The following FAM81B variants were observed in gnomAD, a reference collection of about 807,000 sequenced individuals.
FAM81B encodes family with sequence similarity 81 member B, also known as protein FAM81B.
FAM81B carries 60 observed loss-of-function variants against 58.7 expected under a neutral mutation model. That is an observed-to-expected ratio of 1.02 (90% confidence interval 0.83 to 1.27). The LOEUF is 1.27. Ranked by LOEUF, FAM81B falls within the 50% of genes most tolerant of loss-of-function variation. FAM81B has a pLI of 0.00. For synonymous variants in FAM81B, 189 were observed against 179.6 expected (o/e 1.05, Z -0.42); for missense variants, 491 against 522.0 (o/e 0.94, Z 0.58).
At chr5:95,402,838 G>T (rs1036994891) in intron 3 of FAM81B, among the ~76,000 whole-genome samples, 1 of 152,204 alleles carries the variant, frequency 6.6e-6, no homozygotes, top group African/African-American at 2.4e-5. Flanking sequence ...TCTACTGCAT[G>T]CATCTCACTT....
At chr5:95,396,349 A>G (rs1320191999) in intron 3 of FAM81B, among the ~76,000 whole-genome samples, 174 bp downstream of exon 3, 1 of 152,252 alleles carries the variant, frequency 6.6e-6, no homozygotes, top group South Asian at 2.1e-4. Context: ...CAGAAAGACA[A>G]ACCTGATCCT....
At chr5:95,446,812 C>CTTT in intron 8 of FAM81B, 115 bp downstream of exon 8, 25 of 1,114,992 alleles carry the variant, frequency 2.2e-5, no homozygotes, top group Middle Eastern at 2.3e-4. Flanking sequence ...GCTTCAGTAA[C>CTTT]TTTTTTTTTT....
At chr5:95,448,538 C>G (rs1257687507) in intron 9 of FAM81B, 74 bp downstream of exon 9, 1 of 1,384,958 alleles carries the variant, frequency 7.2e-7, no homozygotes, top group Non-Finnish European at 9.8e-7. Context: ...CCACTTTGAG[C>G]TAATGGCCAG....
At chr5:95,436,059 T>C (rs577301682) in intron 6 of FAM81B, among the ~76,000 whole-genome samples, 7 of 152,322 alleles carry the variant, frequency 4.6e-5, no homozygotes, top group African/African-American at 1.7e-4. Flanking sequence ...CCAAAGCCAA[T>C]CATGTAGTTT....
intron 3 of FAM81B, among the ~76,000 whole-genome samples, chr5:95,398,447 T>TA (rs4034976): frequency 0.33 from 49,130 of 147,330 alleles, 8,259 homozygotes; most frequent in Middle Eastern, 0.4. Context: ...AATAAATAAA[T>TA]AAATAAAAAA....
chr5:95,435,658 A>T (rs1745070573), intron 6 of FAM81B, among the ~76,000 whole-genome samples: 1 of 152,148 alleles, frequency 6.6e-6, no homozygotes, highest in Non-Finnish European at 1.5e-5. Context: ...CAATATATAA[A>T]TATTCACAGC....
intron 5 of FAM81B, among the ~76,000 whole-genome samples, chr5:95,426,965 C>T (rs540144597): frequency 4.6e-5 from 7 of 152,186 alleles, no homozygotes; most frequent in South Asian, 4.1e-4. Context: ...AGGAGAATGG[C>T]GTGAACCTGG....
intron 3 of FAM81B, among the ~76,000 whole-genome samples, chr5:95,405,258 A>G (rs932534093): frequency 2.6e-5 from 4 of 152,188 alleles, no homozygotes; most frequent in African/African-American, 9.7e-5. Context: ...TGTGGGAGCT[A>G]ATGTTAACAT....
At position 95,450,151 on chromosome 5, in the gene FAM81B, T is replaced by A; in HGVS notation, c.1228T>A (p.Phe410Ile). ...ETMQNEYQSG[F>I]KSIHDSLSSL... is the part of the protein sequence containing the mutation. ...CCTATTCTTTTACCCTCTTACAGGA[T>A]TTAAATCAATTCATGACTCTCTCAG... The change falls in exon 10 of 10, where the codon TTT (phenylalanine) becomes ATT (isoleucine). Residue 410 changes from phenylalanine to isoleucine, a missense_variant and splice_region_variant. Physicochemically the swap from Phe to Ile is conservative, Grantham distance 21. Coordinates refer to ENST00000283357, the MANE Select transcript of FAM81B (RefSeq NM_152548.3). 6.2e-7 allele frequency: 1 copy of A among 1,608,984 alleles called. No individual in the cohort carries two copies.
intron 9 of FAM81B, 83 bp downstream of exon 9, chr5:95,448,547 A>G: frequency 7.6e-7 from 1 of 1,310,588 alleles, no homozygotes; most frequent in Non-Finnish European, 1.0e-6. Context: ...GCTAATGGCC[A>G]GGGATCAATC....
At chr5:95,433,196 G>C (rs1744966573) in intron 6 of FAM81B, among the ~76,000 whole-genome samples, 1 of 152,118 alleles carries the variant, frequency 6.6e-6, no homozygotes, top group South Asian at 2.1e-4. Flanking sequence ...TTTAAAGAAA[G>C]AGGTTTAATG....
At chr5:95,421,043 T>C (rs1402738288) in intron 5 of FAM81B, among the ~76,000 whole-genome samples, 1 of 152,216 alleles carries the variant, frequency 6.6e-6, no homozygotes, top group Admixed American at 6.5e-5. Flanking sequence ...AGATAATTAC[T>C]ACCTAAGAAT....
At chr5:95,394,608 T>G (rs953166590) in intron 2 of FAM81B, among the ~76,000 whole-genome samples, 7 of 152,080 alleles carry the variant, frequency 4.6e-5, no homozygotes, top group African/African-American at 1.7e-4. Context: ...GCCACCTGAG[T>G]GCCCAGTGAA....
chr5:95,427,839 C>A (rs1243823086), intron 5 of FAM81B, among the ~76,000 whole-genome samples: 1 of 152,158 alleles, frequency 6.6e-6, no homozygotes, highest in Non-Finnish European at 1.5e-5. Context: ...AACCTGCTGT[C>A]CCCCAAGAGA....
intron 4 of FAM81B, 119 bp downstream of exon 4, chr5:95,414,309 T>C: frequency 8.9e-7 from 1 of 1,122,732 alleles, no homozygotes. Flanking sequence ...ATTGCTTAAG[T>C]TTAGATGATT....
chr5:95,394,780 C>G (rs534211023), intron 2 of FAM81B, among the ~76,000 whole-genome samples: 1 of 152,272 alleles, frequency 6.6e-6, no homozygotes, highest in African/African-American at 2.4e-5. Context: ...ACCAACAGGG[C>G]TGGGTCAGGA....
chr5:95,442,514 A>C (rs1437346269), intron 7 of FAM81B, among the ~76,000 whole-genome samples: 1 of 152,226 alleles, frequency 6.6e-6, no homozygotes, highest in Non-Finnish European at 1.5e-5. Flanking sequence ...CTGACTCTAA[A>C]GCTCAAATTG....
intron 3 of FAM81B, among the ~76,000 whole-genome samples, chr5:95,413,474 C>G (rs1399126607): frequency 6.6e-6 from 1 of 152,136 alleles, no homozygotes; most frequent in East Asian, 1.9e-4. Context: ...ATGTGAATCT[C>G]TAAGGGAGAG....
chr5:95,397,809 T>C (rs1006437031), intron 3 of FAM81B, among the ~76,000 whole-genome samples: 2 of 152,264 alleles, frequency 1.3e-5, no homozygotes, highest in Non-Finnish European at 2.9e-5. Context: ...TTCACATTGT[T>C]AATTGTCTTT....
Sources: allele counts gnomAD v4.1 joint callset (sites outside exome capture counted in the v4.1 genomes callset), GRCh38; gene constraint gnomAD v4.1.1; transcripts MANE v1.5; gene names NCBI Gene and HGNC (gene_info 2026-07-23, HGNC 2026-07-21).